Variants in SLC36A1 observed in about 807,000 individuals in gnomAD.
SLC36A1 encodes the protein solute carrier family 36 member 1, also known as proton-coupled amino acid transporter 1.
Under a neutral mutation model 47.5 loss-of-function variants are expected in SLC36A1, and 30 were observed. That is an observed-to-expected ratio of 0.63 (90% CI 0.47 to 0.86). SLC36A1 has a LOEUF of 0.86. Ranked by LOEUF, SLC36A1 falls within the 40% of genes least tolerant of loss-of-function variation. SLC36A1 has a pLI of 0.00. For synonymous variants in SLC36A1, 255 were observed against 249.7 expected (o/e 1.02, Z -0.20); for missense variants, 517 against 606.0 (o/e 0.85, Z 1.54).
chr5:151,371,362 T>A, the SLC36A1 span, among the ~76,000 whole-genome samples: 2 of 152,142 alleles, frequency 1.3e-5, no homozygotes, highest in Non-Finnish European at 2.9e-5. Context: ...AACAAACATA[T>A]ACATAATTCT....
chr5:151,521,603 C>T, the SLC36A1 span: 1 of 1,614,202 alleles, frequency 6.2e-7, no homozygotes, highest in Non-Finnish European at 8.5e-7. Context: ...TGAATGTTAG[C>T]CCGTTTGATG....
the SLC36A1 span, among the ~76,000 whole-genome samples, chr5:151,367,422 G>A: frequency 1.4e-5 from 2 of 145,030 alleles, no homozygotes; most frequent in African/African-American, 5.3e-5. Flanking sequence ...AGAATTTAGC[G>A]ATATGTTTCC....
At chr5:151,355,984 A>G in the SLC36A1 span, among the ~76,000 whole-genome samples, 1 of 152,226 alleles carries the variant, frequency 6.6e-6, no homozygotes, top group Non-Finnish European at 1.5e-5. Context: ...TTTTAATTCC[A>G]ATGTTTTTGA....
the SLC36A1 span, among the ~76,000 whole-genome samples, chr5:151,387,907 C>T: frequency 6.6e-6 from 1 of 152,174 alleles, no homozygotes; most frequent in Non-Finnish European, 1.5e-5. Flanking sequence ...TTTTATTTAA[C>T]CTTATATAAT....
the SLC36A1 span, among the ~76,000 whole-genome samples, chr5:151,393,763 A>G: frequency 6.6e-6 from 1 of 152,164 alleles, no homozygotes; most frequent in South Asian, 2.1e-4. Context: ...AGTTTCTGCC[A>G]AGAGATCAGC....
At chr5:151,474,973 T>C (rs1224666264) in intron 8 of SLC36A1, among the ~76,000 whole-genome samples, 1 of 152,238 alleles carries the variant, frequency 6.6e-6, no homozygotes, top group African/African-American at 2.4e-5. Context: ...CCAGGTGGTG[T>C]TGATGGAACA....
the SLC36A1 span, chr5:151,537,822 G>C: frequency 6.2e-7 from 1 of 1,611,110 alleles, no homozygotes; most frequent in Non-Finnish European, 8.5e-7. Flanking sequence ...GAATTCATGC[G>C]CCCCAGGGCC....
chr5:151,450,416 A>G (rs1163162581), intron 1 of SLC36A1, among the ~76,000 whole-genome samples: 4 of 145,322 alleles, frequency 2.8e-5, no homozygotes, highest in Admixed American at 2.7e-4. Flanking sequence ...TAGCATGTAG[A>G]GTGGATGGAG....
chr5:151,478,033 T>C (rs1487988286), intron 9 of SLC36A1, among the ~76,000 whole-genome samples: 2 of 152,196 alleles, frequency 1.3e-5, no homozygotes, highest in Non-Finnish European at 2.9e-5. Context: ...AGTTTAATGA[T>C]AGAGCCACCA....
In SLC36A1 at chr5:151,479,258, T is replaced by C; in HGVS notation, c.990-62T>C. ...AAATCGCAATGGGACCATTTTGCAC[T>C]CTTGCTGATGATGTATAAGTGTGCT... On this transcript the variant is annotated intron_variant, in intron 9 of 10. Coordinates refer to ENST00000243389, the MANE Select transcript of SLC36A1 (RefSeq NM_078483.4). 2.6e-6 allele frequency: 4 copies of C among 1,557,684 alleles called. No homozygotes were observed. The Admixed American group carries it at 6.9e-5, about 27-fold the overall frequency.
the SLC36A1 span, chr5:151,544,549 G>A: frequency 6.2e-7 from 1 of 1,614,060 alleles, no homozygotes; most frequent in Admixed American, 1.7e-5. Context: ...CCGGGCCTGG[G>A]TGTGGAGAAT....
chr5:151,525,761 C>T, the SLC36A1 span: 1 of 1,614,158 alleles, frequency 6.2e-7, no homozygotes, highest in South Asian at 1.1e-5. Flanking sequence ...CCTAGCACAG[C>T]TCTCACCTGG....
Position 151,479,320 on chromosome 5 carries a change from G to A in SLC36A1, c.990G>A (p.Trp330Ter). The A allele has an allele frequency of 1.2e-6, 2 of 1,613,936 alleles. No homozygotes were observed. The highest frequency in any genetic ancestry group is 1.1e-5 in the South Asian group (1 of 91,058). The change falls in exon 10 of 11, where the codon TGG (tryptophan) becomes TGA (stop). Residue 330 changes from tryptophan to a stop codon, truncating the protein, a stop_gained and splice_region_variant. Coordinates refer to ENST00000243389, the MANE Select transcript of SLC36A1 (RefSeq NM_078483.4). LOFTEE classifies it high-confidence loss of function. ...GAATGTCTCCTGTCTGTTTCGGCAGGTTGTACCAGTCAGTTAAGCTGCTGT... is the reference window on the plus strand; with the variant it reads ...GAATGTCTCCTGTCTGTTTCGGCAGATTGTACCAGTCAGTTAAGCTGCTGT... ...GSITLNLPNC[W>*]LYQSVKLLYS...
chr5:151,464,477 T>C (rs1436701559), intron 3 of SLC36A1, 37 bp from the exon 4 acceptor site: 1 of 1,562,390 alleles, frequency 6.4e-7, no homozygotes, highest in African/African-American at 1.4e-5. Context: ...TCTACCTACT[T>C]TTCTCTCTCT....
chr5:151,440,890 C>T (rs1752584469), intron 1 of SLC36A1, among the ~76,000 whole-genome samples: 1 of 152,238 alleles, frequency 6.6e-6, no homozygotes, highest in Non-Finnish European at 1.5e-5. Flanking sequence ...GGGCTGGCCA[C>T]ACAACATGTT....
intron 7 of SLC36A1, 84 bp downstream of exon 7, chr5:151,468,009 A>T: frequency 8.4e-7 from 1 of 1,184,760 alleles, no homozygotes; most frequent in African/African-American, 1.5e-5. Flanking sequence ...TAATCCCAGC[A>T]CTTTGGGAGG....
chr5:151,506,296 C>CT, the SLC36A1 span, among the ~76,000 whole-genome samples: 1 of 152,220 alleles, frequency 6.6e-6, no homozygotes, highest in Non-Finnish European at 1.5e-5. Context: ...GAGGTTTGAC[C>CT]TAAGGCCAGC....
chr5:151,364,203 T>G, the SLC36A1 span, among the ~76,000 whole-genome samples: 1 of 152,210 alleles, frequency 6.6e-6, no homozygotes, highest in Non-Finnish European at 1.5e-5. Flanking sequence ...TTTTATGCAC[T>G]CATGACCTAC....
chr5:151,468,266 A>AAAAAAT (rs55642458), intron 7 of SLC36A1, among the ~76,000 whole-genome samples: 15 of 63,812 alleles, frequency 2.4e-4, no homozygotes, highest in South Asian at 7.0e-4. Flanking sequence ...AAAAAAAAAA[A>AAAAAAT]ATATATATAT....
Sources: allele counts gnomAD v4.1 joint callset (sites outside exome capture counted in the v4.1 genomes callset), GRCh38; gene constraint gnomAD v4.1.1; transcripts MANE v1.5; gene names NCBI Gene and HGNC (gene_info 2026-07-23, HGNC 2026-07-21).